FGGY: variants seen among roughly 807,000 people sequenced by gnomAD.
FGGY encodes the protein FGGY carbohydrate kinase domain-containing protein.
A neutral mutation model predicts 71.3 loss-of-function variants in FGGY; 72 were observed. The observed-to-expected ratio is 1.01, with a 90% CI of 0.84 to 1.23. The LOEUF (loss-of-function observed/expected upper bound fraction) is 1.23, where lower values mean the gene tolerates loss of function less well. Among genes scored for constraint, FGGY ranks in the 50% most tolerant of loss-of-function variants. The pLI is 0.00. For missense variants in FGGY, 668 were observed against 682.3 expected (o/e 0.98, Z 0.23); for synonymous variants, 251 against 250.3 (o/e 1.00, Z -0.02).
At chr1:59,438,472 T>A (rs2069004828) in intron 5 of FGGY, among the ~76,000 whole-genome samples, 1 of 152,220 alleles carries the variant, frequency 6.6e-6, no homozygotes, top group Non-Finnish European at 1.5e-5. Context: ...ATGTTGCTGT[T>A]CCTCTCCTTG....
At chr1:59,570,703 A>T (rs192378014) in intron 8 of FGGY, among the ~76,000 whole-genome samples, 80 of 152,290 alleles carry the variant, frequency 5.3e-4, no homozygotes, top group Non-Finnish European at 3.5e-4. Context: ...AGATCTTTCA[A>T]TGTAAATAGG....
At chr1:59,350,436 C>T (rs2053043531) in intron 4 of FGGY, among the ~76,000 whole-genome samples, 1 of 152,130 alleles carries the variant, frequency 6.6e-6, no homozygotes, top group African/African-American at 2.4e-5. Flanking sequence ...AATAGTTTGA[C>T]AGGAGCCTCA....
At chr1:59,714,703 G>T (rs536636317) in intron 14 of FGGY, among the ~76,000 whole-genome samples, 1 of 152,166 alleles carries the variant, frequency 6.6e-6, no homozygotes, top group African/African-American at 2.4e-5. Context: ...TGGAGTGAGT[G>T]TAGAAAAGAA....
chr1:59,618,853 C>G (rs989326977), intron 9 of FGGY, among the ~76,000 whole-genome samples: 1 of 151,984 alleles, frequency 6.6e-6, no homozygotes, highest in African/African-American at 2.4e-5. Flanking sequence ...AGCATTGACA[C>G]GATCTATGTA....
At chr1:59,631,403 C>T (rs1294218871) in intron 10 of FGGY, among the ~76,000 whole-genome samples, 1 of 152,124 alleles carries the variant, frequency 6.6e-6, no homozygotes, top group Non-Finnish European at 1.5e-5. Flanking sequence ...GTTCGGTTTC[C>T]TTCCACTTTT....
intron 12 of FGGY, among the ~76,000 whole-genome samples, chr1:59,664,571 C>T (rs1207249745): frequency 6.6e-6 from 1 of 152,230 alleles, no homozygotes. Flanking sequence ...CATTTCCATA[C>T]AAATTAGGAG....
intron 5 of FGGY, among the ~76,000 whole-genome samples, chr1:59,414,526 G>A (rs895676708): frequency 1.3e-5 from 2 of 152,196 alleles, no homozygotes; most frequent in African/African-American, 2.4e-5. Flanking sequence ...CCCTCTGGGG[G>A]CACCTGTGTC....
chr1:59,548,664 A>G (rs962180743), intron 7 of FGGY, among the ~76,000 whole-genome samples: 2 of 152,202 alleles, frequency 1.3e-5, no homozygotes, highest in African/African-American at 2.4e-5. Flanking sequence ...TCCACTAGCT[A>G]TATGTTGCTA....
intron 2 of FGGY, among the ~76,000 whole-genome samples, chr1:59,332,931 C>T (rs972837924): frequency 1.3e-5 from 2 of 152,116 alleles, no homozygotes; most frequent in African/African-American, 2.4e-5. Context: ...GAGTGCATTT[C>T]CTATCCTATT....
chr1:59,471,575 T>C (rs1042663414), intron 6 of FGGY, among the ~76,000 whole-genome samples: 1 of 152,214 alleles, frequency 6.6e-6, no homozygotes, highest in African/African-American at 2.4e-5. Context: ...TGAGTATTGA[T>C]GCCTTATTTT....
At chr1:59,590,524 A>G (rs1200113890) in intron 8 of FGGY, among the ~76,000 whole-genome samples, 1 of 152,196 alleles carries the variant, frequency 6.6e-6, no homozygotes, top group Non-Finnish European at 1.5e-5. Context: ...ATGAACATTG[A>G]TGCAAAAATC....
At chr1:59,735,714 C>T (rs1007954177) in intron 14 of FGGY, among the ~76,000 whole-genome samples, 12 of 152,320 alleles carry the variant, frequency 7.9e-5, no homozygotes, top group African/African-American at 1.4e-4. Flanking sequence ...GGTTTCAAAA[C>T]GAGGTCTCTG....
chr1:59,418,784 G>T (rs1443069263), intron 5 of FGGY, among the ~76,000 whole-genome samples: 1 of 152,034 alleles, frequency 6.6e-6, no homozygotes, highest in Non-Finnish European at 1.5e-5. Context: ...TGAGTTTGGG[G>T]TCCAAAGATT....
At chr1:59,683,881 G>T (rs2097524687) in intron 14 of FGGY, among the ~76,000 whole-genome samples, 1 of 152,130 alleles carries the variant, frequency 6.6e-6, no homozygotes, top group Non-Finnish European at 1.5e-5. Flanking sequence ...CACTCTGCTG[G>T]CTTGTTTTTG....
intron 1 of FGGY, among the ~76,000 whole-genome samples, chr1:59,314,998 C>T (rs553939967): frequency 6.6e-6 from 1 of 152,260 alleles, no homozygotes; most frequent in East Asian, 1.9e-4. Flanking sequence ...GCTCCAGGAA[C>T]CTATGTGTCA....
chr1:59,348,945 A>G (rs191477043), intron 4 of FGGY, among the ~76,000 whole-genome samples: 47 of 152,236 alleles, frequency 3.1e-4, no homozygotes, highest in African/African-American at 1.1e-3. Flanking sequence ...CACTTTCTTC[A>G]TGTATAAAGT....
chr1:59,427,433 G>T (rs906924531), intron 5 of FGGY, among the ~76,000 whole-genome samples: 1 of 152,188 alleles, frequency 6.6e-6, no homozygotes, highest in African/African-American at 2.4e-5. Flanking sequence ...GATGGCGGAG[G>T]TAAGAGTTGG....
intron 5 of FGGY, among the ~76,000 whole-genome samples, chr1:59,405,726 C>T (rs75698852): frequency 8.5e-5 from 13 of 152,256 alleles, no homozygotes; most frequent in Non-Finnish European, 1.6e-4. Flanking sequence ...AGCCTACCCC[C>T]CAGTCGACCT....
intron 8 of FGGY, among the ~76,000 whole-genome samples, chr1:59,588,885 C>T (rs1023349446): frequency 1.7e-4 from 26 of 152,168 alleles, no homozygotes; most frequent in Admixed American, 1.4e-3. Flanking sequence ...CATCAACTAA[C>T]GAGCAATATA....
Sources: gnomAD v4.1 joint callset for allele counts (sites outside exome capture counted in the v4.1 genomes callset) on GRCh38, gnomAD v4.1.1 for gene constraint, MANE v1.5 for transcripts, NCBI Gene and HGNC (gene_info 2026-07-23, HGNC 2026-07-21) for gene names.